Variants in PSKH1 observed in about 807,000 individuals in gnomAD.
The protein encoded by PSKH1 is protein serine kinase H1, also known as serine/threonine-protein kinase H1.
In PSKH1, 12 loss-of-function variants were observed where a neutral mutation model predicts 26.7. That is an observed-to-expected ratio of 0.45 (90% CI 0.29 to 0.73). The LOEUF (loss-of-function observed/expected upper bound fraction) is 0.73. Ranked by LOEUF, PSKH1 falls within the 30% of genes least tolerant of loss-of-function variation. PSKH1 has a pLI of 0.11. For missense variants in PSKH1, 431 were observed against 595.2 expected, an observed-to-expected ratio of 0.72 and a Z score of 2.87; for synonymous variants, 213 against 234.3, an observed-to-expected ratio of 0.91 and a Z score of 0.83.
intron 2 of PSKH1, chr16:67,910,172 C>T (rs1012759200): frequency 4.4e-6 from 1 of 228,388 alleles, no homozygotes; most frequent in Admixed American, 5.0e-5. Flanking sequence ...CACTAAATCT[C>T]TGGTGCTTCT....
chr16:67,927,130 T>G lies in PSKH1; in HGVS notation c.958-195T>G, dbSNP rs1197273573. Among the ~76,000 whole-genome samples, 1 of 152,200 alleles carries G rather than the reference T, an allele frequency of 6.6e-6. No individual in the cohort carries two copies. Among genetic ancestry groups the G allele is most frequent in the African/African-American group, 2.4e-5 (1 of 41,446 alleles). On this transcript the variant is annotated intron_variant, in intron 2 of 2. Coordinates refer to ENST00000291041, the MANE Select transcript of PSKH1 (RefSeq NM_006742.3). This position sits in a 1 kb window ranked among gnomAD's most constrained non-coding sequence, Gnocchi z 5.5. ...GAGAGTGCACAGGTCCTTTCCTTCC[T>G]TGCCAGACTCCATCACCTGGAGAGC...
Position 67,908,942 on chromosome 16 carries a change from C to G in PSKH1, c.193C>G (p.Pro65Ala). The change falls in exon 2 of 3, where the codon CCC becomes GCC. Residue 65 changes from proline to alanine, a missense_variant. Coordinates refer to ENST00000291041, the MANE Select transcript of PSKH1 (RefSeq NM_006742.3). ...ASQYAHPCPG[P>A]PTAGHTEPPS... Reference sequence around the variant, plus strand: ...TCAGTATGCACACCCCTGCCCCGGTCCCCCGACTGCTGGCCACACGGAGCC... The same window carrying G: ...TCAGTATGCACACCCCTGCCCCGGTGCCCCGACTGCTGGCCACACGGAGCC... 6.8e-6 allele frequency: 11 copies of G among 1,613,838 alleles called. No individual in the cohort carries two copies. The highest frequency in any genetic ancestry group is 8.5e-6 in the Non-Finnish European group (10 of 1,179,842).
At chr16:67,898,506 C>T (rs1355347441) in intron 1 of PSKH1, among the ~76,000 whole-genome samples, 1 of 152,078 alleles carries the variant, frequency 6.6e-6, no homozygotes, top group African/African-American at 2.4e-5. Context: ...CCTGCCCTGG[C>T]CCCCAGAGTG....
At chr16:67,895,097 A>G (rs1290073183) in intron 1 of PSKH1, among the ~76,000 whole-genome samples, 1 of 151,302 alleles carries the variant, frequency 6.6e-6, no homozygotes, top group African/African-American at 2.4e-5. Flanking sequence ...CTAATTTTGT[A>G]TTTTTAGTAG....
intron 2 of PSKH1, among the ~76,000 whole-genome samples, chr16:67,921,403 G>A (rs772339104): frequency 9.9e-5 from 15 of 151,950 alleles, no homozygotes; most frequent in East Asian, 1.9e-4. Context: ...GTGAAACACC[G>A]TCTCTACTAA....
At chr16:67,921,000 G>C (rs62059923) in intron 2 of PSKH1, among the ~76,000 whole-genome samples, 6 of 151,490 alleles carry the variant, frequency 4.0e-5, no homozygotes, top group African/African-American at 1.5e-4. Flanking sequence ...AAAAAAAAAG[G>C]CTGGGCACGG....
Position 67,927,481 on chromosome 16 carries a change from T to G in PSKH1, c.1114T>G (p.Ser372Ala). 6.2e-7 allele frequency: 1 copy of G among 1,614,214 alleles called. No homozygotes were observed. The highest frequency in any genetic ancestry group is 8.5e-7 in the Non-Finnish European group (1 of 1,180,042). Residue 372 changes from serine (S) to alanine (A), a missense_variant, in exon 3 of 3, where the codon TCC (serine) becomes GCC (alanine). Transcript: ENST00000291041. The surrounding 1 kb of genome is among the most constrained non-coding windows in gnomAD (Gnocchi z 5.5). ...SSMKNLHRSI[S>A]QNLLKRASSR... ...CATGAAGAACCTGCACCGCTCCATA[T>G]CCCAGAACCTCCTTAAACGTGCCTC... is the stretch of plus-strand genomic sequence containing the variant.
intron 1 of PSKH1, among the ~76,000 whole-genome samples, chr16:67,907,553 G>A (rs895153049): frequency 3.0e-4 from 46 of 152,192 alleles, no homozygotes; most frequent in African/African-American, 9.9e-4. Context: ...GAGCCACTGT[G>A]CCCGGCCCCG....
At chr16:67,897,931 T>C (rs2058130975) in intron 1 of PSKH1, among the ~76,000 whole-genome samples, 1 of 152,116 alleles carries the variant, frequency 6.6e-6, no homozygotes, top group East Asian at 1.9e-4. Context: ...CATTGCAAGC[T>C]CTGCCTTCCG....
intron 1 of PSKH1, among the ~76,000 whole-genome samples, chr16:67,901,138 TC>T (rs1398412002): frequency 1.3e-5 from 2 of 152,000 alleles, no homozygotes; most frequent in African/African-American, 4.8e-5. Flanking sequence ...CTTTTTTTTT[TC>T]CCCTCTCTTG....
intron 1 of PSKH1, among the ~76,000 whole-genome samples, chr16:67,899,331 ATTTTTTTTTTTT>A (rs555492519): frequency 7.8e-6 from 1 of 128,278 alleles, no homozygotes; most frequent in Non-Finnish European, 1.6e-5. Flanking sequence ...GCCAGACCAC[ATTTTTTTTTTTT>A]TTTTTTTTTT....
At chr16:67,904,421 G>T (rs1045050292) in intron 1 of PSKH1, among the ~76,000 whole-genome samples, 14 of 151,884 alleles carry the variant, frequency 9.2e-5, no homozygotes, top group Admixed American at 2.6e-4. Flanking sequence ...GGCCAGACTG[G>T]TCTCGAACTC....
At position 67,909,762 on chromosome 16, in the gene PSKH1, ATATCCTGCAGC is replaced by A; in HGVS notation, c.957+58_957+68del. 1 of 1,490,924 alleles carries A rather than the reference ATATCCTGCAGC, an allele frequency of 6.7e-7. No individual in the cohort carries two copies. Among genetic ancestry groups the A allele is most frequent in the Non-Finnish European group, 9.2e-7 (1 of 1,091,212 alleles). The allele number at this position is 1,490,924 out of a possible 1,614,324, so 92.4% of individuals were successfully genotyped here. A position where few individuals can be genotyped will look rare whatever the true frequency, so the allele number is the denominator to read the frequency against. On this transcript the variant is annotated intron_variant, in intron 2 of 2. Coordinates refer to ENST00000291041, the MANE Select transcript of PSKH1 (RefSeq NM_006742.3). The surrounding 1 kb of genome is among the most constrained non-coding windows in gnomAD (Gnocchi z 7.8). ...TGGGGAGGCACCTGCGGGGGCAGGT[ATATCCTGCAGC>A]TCTCAGTCAGAGGTATGTCCTCAGG...
chr16:67,927,302 T>C lies in PSKH1; in HGVS notation c.958-23T>C. ...TGGGCAGTGTCAGATGCTCTCACTC[T>C]AATGCTTGTCCTTGGTCTCTAGCCC... is the stretch of plus-strand genomic sequence containing the variant. On this transcript the variant is annotated intron_variant, in intron 2 of 2. Coordinates refer to ENST00000291041, the MANE Select transcript of PSKH1 (RefSeq NM_006742.3). This position sits in a 1 kb window ranked among gnomAD's most constrained non-coding sequence, Gnocchi z 5.5. 8 of 1,586,772 alleles carry C rather than the reference T, an allele frequency of 5.0e-6. No homozygotes were observed. The highest frequency in any genetic ancestry group is 6.0e-6 in the Non-Finnish European group (7 of 1,163,226).
chr16:67,903,923 C>T (rs1218321025), intron 1 of PSKH1, among the ~76,000 whole-genome samples: 3 of 147,438 alleles, frequency 2.0e-5, no homozygotes, highest in Non-Finnish European at 4.5e-5. Context: ...GATTATCGCT[C>T]ACTGCAGCCT....
chr16:67,916,124 C>A (rs1251839343), intron 2 of PSKH1, among the ~76,000 whole-genome samples: 1 of 152,154 alleles, frequency 6.6e-6, no homozygotes, highest in Non-Finnish European at 1.5e-5. Flanking sequence ...AGGTGTTTGC[C>A]ATTAGGAAGG....
chr16:67,897,655 A>G (rs2058130202), intron 1 of PSKH1, among the ~76,000 whole-genome samples: 1 of 152,058 alleles, frequency 6.6e-6, no homozygotes, highest in African/African-American at 2.4e-5. Flanking sequence ...GAACGTTGGG[A>G]TTTTGGAAGG....
In PSKH1 at chr16:67,927,847, G is replaced by T; in HGVS notation, c.*205G>T. ...GGTGTGACAGAGTAGAGGTAGCACA[G>T]GGGGCTGTGACTCCCCCTGAACTGG... is the stretch of plus-strand genomic sequence containing the variant. On this transcript the variant is annotated 3_prime_UTR_variant, in exon 3 of 3. Coordinates refer to ENST00000291041, the MANE Select transcript of PSKH1 (RefSeq NM_006742.3). The surrounding 1 kb of genome is among the most constrained non-coding windows in gnomAD (Gnocchi z 5.5). 1.6e-6 allele frequency: 1 copy of T among 637,068 alleles called. No individual in the cohort carries two copies. Among genetic ancestry groups the T allele is most frequent in the Non-Finnish European group, 2.6e-6 (1 of 378,706 alleles). 39.5% of individuals were successfully genotyped at this position (637,068 alleles called of 1,614,324 possible).
intron 1 of PSKH1, among the ~76,000 whole-genome samples, chr16:67,901,498 AT>A (rs1279994980): frequency 6.6e-6 from 1 of 151,782 alleles, no homozygotes; most frequent in South Asian, 2.1e-4. Context: ...CGCCTGGCTA[AT>A]TTTTTTTGTA....
Sources: allele counts gnomAD v4.1 joint callset (sites outside exome capture counted in the v4.1 genomes callset), GRCh38; gene constraint gnomAD v4.1.1; non-coding constraint Gnocchi (gnomAD v3.1); transcripts MANE v1.5; gene names NCBI Gene and HGNC (gene_info 2026-07-23, HGNC 2026-07-21).